SAMD13: variants seen among roughly 807,000 people sequenced by gnomAD.
The protein encoded by SAMD13 is sterile alpha motif domain containing 13, also known as sterile alpha motif domain-containing protein 13.
SAMD13 carries 9 observed loss-of-function variants against 12.4 expected under a neutral mutation model. The observed-to-expected ratio is 0.72, with a 90% CI of 0.44 to 1.26. The LOEUF is 1.26. SAMD13 is among the 50% of genes most tolerant of loss of function. The pLI is 0.00. For missense variants in SAMD13, 84 were observed against 119.6 expected (o/e 0.70, Z 1.39); for synonymous variants, 46 against 45.4 (o/e 1.01, Z -0.05).
rs182684717 is a variant in SAMD13 at position 84,315,700 on chromosome 1, G to A, written c.54-9937G>A. On this transcript the variant is annotated intron_variant, in intron 2 of 3. Coordinates refer to ENST00000394834, the MANE Select transcript of SAMD13 (RefSeq NM_001134663.2). ...TATGGGAGTACTAATATCTCTTTGA[G>A]TTCCTGATTTCAATTCCTTTGGATA... Among the ~76,000 whole-genome samples the A allele has an allele frequency of 2.3e-3, 345 of 152,248 alleles. 1 individual carries two copies. Among genetic ancestry groups the A allele is most frequent in the African/African-American group, 7.2e-3 (300 of 41,548 alleles).
intron 3 of SAMD13, among the ~76,000 whole-genome samples, chr1:84,334,039 T>G (rs765557206): frequency 1.3e-5 from 2 of 152,016 alleles, no homozygotes; most frequent in African/African-American, 2.4e-5. Context: ...CTCTGCCAGG[T>G]TCTGGTATCA....
intron 1 of SAMD13, among the ~76,000 whole-genome samples, chr1:84,302,234 C>G (rs555947072): frequency 6.6e-6 from 1 of 152,046 alleles, no homozygotes; most frequent in East Asian, 1.9e-4. Context: ...TCAGAGTAAT[C>G]CCTAGAGAAG....
upstream of SAMD13, chr1:84,301,688 T>G: frequency 2.0e-6 from 2 of 985,458 alleles, no homozygotes; most frequent in Non-Finnish European, 2.4e-6. Context: ...CTGTGTCAAA[T>G]TGTACCTCCT....
intron 3 of SAMD13, among the ~76,000 whole-genome samples, chr1:84,348,476 T>C (rs1257081821): frequency 1.3e-5 from 2 of 151,982 alleles, no homozygotes; most frequent in Non-Finnish European, 2.9e-5. Flanking sequence ...GTTATAACCA[T>C]GCACAGAAAT....
chr1:84,339,644 G>T (rs542139474), intron 3 of SAMD13, among the ~76,000 whole-genome samples: 5 of 152,294 alleles, frequency 3.3e-5, no homozygotes, highest in African/African-American at 1.2e-4. Flanking sequence ...GTGGCAACGG[G>T]ATCTGTGCTT....
chr1:84,325,551 G>C, intron 2 of SAMD13, 86 bp from the exon 3 acceptor site: 1 of 767,652 alleles, frequency 1.3e-6, no homozygotes, highest in South Asian at 1.5e-5. Context: ...AACATGAAAG[G>C]CCTGTCCCAG....
intron 3 of SAMD13, among the ~76,000 whole-genome samples, chr1:84,348,951 G>T (rs1679590920): frequency 6.6e-6 from 1 of 152,298 alleles, no homozygotes; most frequent in South Asian, 2.1e-4. Context: ...GGGCAGGAAA[G>T]TCTCCCAGAG....
intron 2 of SAMD13, among the ~76,000 whole-genome samples, chr1:84,318,626 A>G (rs1333007130): frequency 2.0e-5 from 3 of 152,164 alleles, no homozygotes; most frequent in Admixed American, 6.6e-5. Flanking sequence ...CACTTGGTCT[A>G]CAGTGTTGTT....
At chr1:84,312,237 T>C (rs1444204141) in intron 2 of SAMD13, among the ~76,000 whole-genome samples, 1 of 152,004 alleles carries the variant, frequency 6.6e-6, no homozygotes, top group Non-Finnish European at 1.5e-5. Flanking sequence ...TATCTTTACC[T>C]TTTTTTACAC....
intron 3 of SAMD13, among the ~76,000 whole-genome samples, chr1:84,338,198 C>T (rs1180596955): frequency 1.3e-5 from 2 of 152,088 alleles, no homozygotes; most frequent in African/African-American, 2.4e-5. Context: ...ATCTTTTCAG[C>T]AATGCCCCAC....
intron 2 of SAMD13, chr1:84,304,268 A>G (rs542624275): frequency 6.6e-6 from 1 of 152,294 alleles, no homozygotes; most frequent in Admixed American, 6.5e-5. Context: ...TACCATCCCT[A>G]AAGTTTGGGG....
At chr1:84,299,595 A>G (rs1302456791), upstream of SAMD13, 4 of 1,510,524 alleles carry the variant, frequency 2.6e-6, no homozygotes, top group Admixed American at 8.1e-5. Context: ...TACACACACA[A>G]CTTTTTATCA....
chr1:84,346,308 C>G (rs1679533022), intron 3 of SAMD13, among the ~76,000 whole-genome samples: 1 of 152,184 alleles, frequency 6.6e-6, no homozygotes, highest in Non-Finnish European at 1.5e-5. Context: ...TTAAACCTAT[C>G]ATCTCGGAAC....
At chr1:84,338,886 G>A (rs970524330) in intron 3 of SAMD13, among the ~76,000 whole-genome samples, 1 of 152,172 alleles carries the variant, frequency 6.6e-6, no homozygotes, top group East Asian at 1.9e-4. Context: ...ATCTGGGTGG[G>A]ATCACAGCCA....
At chr1:84,341,423 A>G (rs184631344) in intron 3 of SAMD13, among the ~76,000 whole-genome samples, 1 of 152,298 alleles carries the variant, frequency 6.6e-6, no homozygotes, top group East Asian at 1.9e-4. Context: ...CAGTTGAGGT[A>G]TTCTACTGGC....
At position 84,339,179 on chromosome 1, in the gene SAMD13, G is replaced by C. The variant is rs377297313; in HGVS notation, c.166-10452G>C. 5.3e-5 allele frequency among the ~76,000 whole-genome samples: 8 copies of C among 151,190 alleles called. No individual in the cohort carries two copies. The East Asian group carries it at 1.2e-3, about 22-fold the overall frequency. On this transcript the variant is annotated intron_variant, in intron 3 of 3. Transcript: ENST00000394834. ...TCAGTCTGGTTAAGAACAATTATTG[G>C]GGAACTAGTACAGTCATTTGGAGAT...
At chr1:84,318,934 A>G (rs558254272) in intron 2 of SAMD13, among the ~76,000 whole-genome samples, 2 of 152,342 alleles carry the variant, frequency 1.3e-5, no homozygotes, top group Non-Finnish European at 2.9e-5. Context: ...AGTAAAGTGT[A>G]TAAAACTATA....
At chr1:84,328,350 T>C (rs1387968581) in intron 3 of SAMD13, among the ~76,000 whole-genome samples, 1 of 152,210 alleles carries the variant, frequency 6.6e-6, no homozygotes, top group Non-Finnish European at 1.5e-5. Context: ...GTCTTGCTAC[T>C]ATGTTCAACC....
intron 3 of SAMD13, among the ~76,000 whole-genome samples, chr1:84,330,077 A>G (rs1558455235): frequency 6.6e-6 from 1 of 152,220 alleles, no homozygotes; most frequent in Non-Finnish European, 1.5e-5. Context: ...ACCTTCTAGC[A>G]GACAAACATT....
Sources: allele counts gnomAD v4.1 joint callset (sites outside exome capture counted in the v4.1 genomes callset), GRCh38; gene constraint gnomAD v4.1.1; transcripts MANE v1.5; gene names NCBI Gene and HGNC (gene_info 2026-07-23, HGNC 2026-07-21).